The following MYH13 variants were observed in gnomAD, a reference collection of about 807,000 sequenced individuals.
The protein encoded by MYH13 is myosin-13.
Under a neutral mutation model 232.1 loss-of-function variants are expected in MYH13, and 177 were observed. The observed-to-expected ratio is 0.76, with a 90% CI of 0.67 to 0.86. MYH13 has a LOEUF of 0.86. MYH13 is among the 40% of genes least tolerant of loss of function. MYH13 has a pLI of 0.00. For synonymous variants in MYH13, 884 were observed against 923.5 expected, an observed-to-expected ratio of 0.96 and a Z score of 0.78; for missense variants, 2,246 against 2,405.9, an observed-to-expected ratio of 0.93 and a Z score of 1.39.
intron 2 of MYH13, among the ~76,000 whole-genome samples, chr17:10,367,189 G>T (rs1245236066): frequency 6.6e-6 from 1 of 152,112 alleles, no homozygotes; most frequent in African/African-American, 2.4e-5. Flanking sequence ...GGACGCCTTC[G>T]CACTCTTAAA....
At chr17:10,315,629 G>T in intron 29 of MYH13, 64 bp downstream of exon 29, 1 of 1,410,324 alleles carries the variant, frequency 7.1e-7, no homozygotes. Flanking sequence ...GCTCTGACCA[G>T]CTTCACGGGT....
In MYH13 at chr17:10,316,766, G is replaced by A. The variant is rs141541382; in HGVS notation, c.3739-741C>T. Reference sequence around the variant, plus strand: ...GATTCACCTCTCTGGCTTCCAGTTGGCCTGTATTTTTGTGAAGTTTGTTCA... The same window carrying A: ...GATTCACCTCTCTGGCTTCCAGTTGACCTGTATTTTTGTGAAGTTTGTTCA... On this transcript the variant is annotated intron_variant, in intron 27 of 40. Coordinates refer to ENST00000252172, the MANE Select transcript of MYH13 (RefSeq NM_003802.3). 3.0e-3 allele frequency among the ~76,000 whole-genome samples: 451 copies of A among 152,308 alleles called. 3 individuals carry two copies. Among genetic ancestry groups the A allele is most frequent in the Non-Finnish European group, 1.8e-3 (120 of 68,032 alleles).
rs760611005 is a variant in MYH13 at position 10,306,436 on chromosome 17, A to G, written c.5466+23T>C. On this transcript the variant is annotated intron_variant, in intron 37 of 40. Transcript: ENST00000252172. The surrounding 1 kb of genome is among the most constrained non-coding windows in gnomAD (Gnocchi z 4.3). ...TGTCCGAGGCTGTCACTTTCAGAGT[A>G]ACAGTCCTCTCAAAAACTCTACCCG... The G allele has an allele frequency of 7.4e-6, 12 of 1,613,924 alleles. No individual in the cohort carries two copies. Among genetic ancestry groups the G allele is most frequent in the Non-Finnish European group, 8.5e-6 (10 of 1,179,882 alleles).
In MYH13 at chr17:10,331,975, C is replaced by T. The variant is rs1401662664; in HGVS notation, c.2298+124G>A. The T allele has an allele frequency of 9.6e-6, 12 of 1,246,928 alleles. No homozygotes were observed. The East Asian group carries it at 1.0e-4, about 10-fold the overall frequency. 77.2% of individuals were successfully genotyped at this position (1,246,928 alleles called of 1,614,324 possible). ...TACCTAGACACAGAGCTCCCCTTAC[C>T]TGGGCGACTGGGCAAGGACGGTCAG... On this transcript the variant is annotated intron_variant, in intron 20 of 40. Transcript: ENST00000252172.
rs1414045650 is a variant in MYH13 at position 10,303,266 on chromosome 17, AG to A, written c.5596del (p.Arg1867GlyfsTer13). ...CTTGTCCACCAGGTCCTGGAGCCTA[AG>A]GATATTCTTGTGGTCCTCCTCAGCC... ...YQAEEDHKNILRLQDLVDKLQ... is the reference protein window; with the variant it reads ...YQAEEDHKNIXRLQDLVDKLQ... On this transcript the variant is annotated frameshift_variant, in exon 39 of 41. Coordinates refer to ENST00000252172, the MANE Select transcript of MYH13 (RefSeq NM_003802.3). LOFTEE classifies it high-confidence loss of function. 6.2e-7 allele frequency: 1 copy of A among 1,613,766 alleles called. No individual in the cohort carries two copies.
chr17:10,352,124 A>T (rs1445103748), intron 11 of MYH13, among the ~76,000 whole-genome samples: 1 of 152,198 alleles, frequency 6.6e-6, no homozygotes, highest in Non-Finnish European at 1.5e-5. Context: ...TCTTTCAAAA[A>T]CACTAAAAGG....
chr17:10,346,596 G>A, intron 13 of MYH13, 84 bp downstream of exon 13: 2 of 1,069,852 alleles, frequency 1.9e-6, no homozygotes, highest in Non-Finnish European at 2.8e-6. Context: ...GTGCATTTCT[G>A]ATACCTGCAA....
rs1906297902 is a variant in MYH13 at position 10,306,653 on chromosome 17, C to G, written c.5296-24G>C. On this transcript the variant is annotated intron_variant, in intron 36 of 40. Transcript: ENST00000252172. This position sits in a 1 kb window ranked among gnomAD's most constrained non-coding sequence, Gnocchi z 4.3. ...GCCTGGTTAAGTTCACAGGACACAT[C>G]AGAGGCCCTGTCCGCCCATCCCTAC... 6.2e-7 allele frequency: 1 copy of G among 1,613,258 alleles called. No individual in the cohort carries two copies. The highest frequency in any genetic ancestry group is 1.3e-5 in the African/African-American group (1 of 75,000).
intron 19 of MYH13, among the ~76,000 whole-genome samples, chr17:10,332,864 C>T (rs1907456755): frequency 6.6e-6 from 1 of 152,218 alleles, no homozygotes. Context: ...GAGTCACAAT[C>T]AGGCTAGAGG....
At position 10,340,366 on chromosome 17, in the gene MYH13, T is replaced by G; in HGVS notation, c.1930A>C (p.Lys644Gln). ...GACACGGTCTGGAAAGAGGAGCCCT[T>G]CTTCTTCCCGCCCTTCTTGCTTCCT... ...SGGSKKGGKK[K>Q]GSSFQTVSAV... The change falls in exon 17 of 41, where the codon AAG becomes CAG. Residue 644 changes from lysine (K) to glutamine (Q), a missense_variant. By Grantham distance (53) the Lys-to-Gln change is moderately conservative. Coordinates refer to ENST00000252172, the MANE Select transcript of MYH13 (RefSeq NM_003802.3). The G allele has an allele frequency of 6.2e-7, 1 of 1,613,880 alleles. No homozygotes were observed. The highest frequency in any genetic ancestry group is 8.5e-7 in the Non-Finnish European group (1 of 1,179,846).
chr17:10,305,321 A>C (rs1906238448), intron 37 of MYH13, among the ~76,000 whole-genome samples: 1 of 152,204 alleles, frequency 6.6e-6, no homozygotes, highest in Non-Finnish European at 1.5e-5. Flanking sequence ...AACAGGCCTA[A>C]ACTCATTGTA....
At position 10,343,875 on chromosome 17, in the gene MYH13, C is replaced by T. The variant is rs2142258256; in HGVS notation, c.1819G>A (p.Val607Met). 2 of 1,614,216 alleles carry T rather than the reference C, an allele frequency of 1.2e-6. No individual in the cohort carries two copies. The highest frequency in any genetic ancestry group is 4.5e-5 in the East Asian group (2 of 44,882). ...GAAGACTTCTGGTACAGCCCCACCACAGTCTCGTTCAGGGGGTCCTTGTTT... is the reference window on the plus strand; with the variant it reads ...GAAGACTTCTGGTACAGCCCCACCATAGTCTCGTTCAGGGGGTCCTTGTTT... ...DKNKDPLNET[V>M]VGLYQKSSLK... The change falls in exon 16 of 41, where the codon GTG (valine) becomes ATG (methionine). Residue 607 changes from valine to methionine, a missense_variant. Physicochemically the swap from Val to Met is conservative, Grantham distance 21. Coordinates refer to ENST00000252172, the MANE Select transcript of MYH13 (RefSeq NM_003802.3).
intron 19 of MYH13, among the ~76,000 whole-genome samples, chr17:10,332,644 G>C (rs888664872): frequency 2.6e-5 from 4 of 152,206 alleles, no homozygotes; most frequent in African/African-American, 9.6e-5. Context: ...AGTTAGTCTA[G>C]AGCTGCGGGC....
chr17:10,366,308 A>G (rs2071836324), intron 2 of MYH13, among the ~76,000 whole-genome samples: 1 of 151,334 alleles, frequency 6.6e-6, no homozygotes, highest in South Asian at 2.1e-4. Flanking sequence ...CTGACATAAA[A>G]TGGAGTCAAG....
intron 5 of MYH13, among the ~76,000 whole-genome samples, chr17:10,360,815 C>T (rs1394972767): frequency 1.3e-5 from 2 of 152,064 alleles, no homozygotes; most frequent in African/African-American, 4.8e-5. Flanking sequence ...GACTGGTATC[C>T]TTATAAACAG....
At chr17:10,333,579 G>A (rs553830516) in intron 18 of MYH13, among the ~76,000 whole-genome samples, 2 of 152,318 alleles carry the variant, frequency 1.3e-5, no homozygotes, top group African/African-American at 4.8e-5. Flanking sequence ...GGAAAAATCT[G>A]CAGGCTGTGG....
At chr17:10,357,951 T>A in intron 7 of MYH13, 124 bp from the exon 8 acceptor site, 2 of 785,410 alleles carry the variant, frequency 2.5e-6, no homozygotes, top group Admixed American at 4.7e-5. Context: ...CTCCACCTGG[T>A]GGTCAGTGCA....
chr17:10,371,204 C>T lies in MYH13; in HGVS notation c.-13+5G>A, dbSNP rs1350844984. 6.6e-6 allele frequency: 1 copy of T among 152,076 alleles called. No individual in the cohort carries two copies. Among genetic ancestry groups the T allele is most frequent in the Non-Finnish European group, 1.5e-5 (1 of 68,032 alleles). The allele number at this position is 152,076 out of a possible 1,614,324, so 9.4% of individuals were successfully genotyped here. On this transcript the variant is annotated splice_donor_5th_base_variant and intron_variant, in intron 2 of 40. Transcript: ENST00000252172. ...ATTCATGATCAAGCTGAAAATAACC[C>T]TTACCTTCTTGGTTCCCAAGTGACA...
At chr17:10,303,599 A>C in intron 37 of MYH13, 101 bp from the exon 38 acceptor site, 2 of 976,906 alleles carry the variant, frequency 2.0e-6, no homozygotes, top group African/African-American at 3.3e-5. Context: ...AGATCCCCTA[A>C]TGGTCATTAA....
Sources: allele counts gnomAD v4.1 joint callset (sites outside exome capture counted in the v4.1 genomes callset), GRCh38; gene constraint gnomAD v4.1.1; non-coding constraint Gnocchi (gnomAD v3.1); transcripts MANE v1.5; gene names NCBI Gene and HGNC (gene_info 2026-07-23, HGNC 2026-07-21).